The following DROSHA variants were observed in gnomAD, a reference collection of about 807,000 sequenced individuals.
The protein encoded by DROSHA is ribonuclease 3.
A neutral mutation model predicts 181.9 loss-of-function variants in DROSHA; 56 were observed. The observed-to-expected ratio is 0.31, with a 90% CI of 0.25 to 0.38. The LOEUF is 0.38. DROSHA is among the 10% of genes least tolerant of loss of function. The probability of loss-of-function intolerance (pLI) is 1.00; values close to 1 mark genes in which losing one functional copy is unlikely to be tolerated. For missense variants in DROSHA, 1,218 were observed against 1,743.5 expected, an observed-to-expected ratio of 0.70 and a Z score of 5.37; for synonymous variants, 524 against 591.2, an observed-to-expected ratio of 0.89 and a Z score of 1.65.
At chr5:31,450,563 T>C (rs914080215) in intron 21 of DROSHA, among the ~76,000 whole-genome samples, 6 of 152,100 alleles carry the variant, frequency 3.9e-5, no homozygotes, top group African/African-American at 1.4e-4. Context: ...TTATCCTAAG[T>C]TAATTAACTC....
Position 31,421,248 on chromosome 5 carries a change from GAGGAAGTGATTT to G in DROSHA, c.3525+12_3525+23del, listed in dbSNP as rs762331753. ...ACTCTGCTTTACAGCAATCTTATTG[GAGGAAGTGATTT>G]AACCAACTCACAGTTAAGTGTCCTT... On this transcript the variant is annotated intron_variant, in intron 30 of 35. Coordinates refer to ENST00000344624, the MANE Select transcript of DROSHA (RefSeq NM_001382508.1). 3.2e-6 allele frequency: 5 copies of G among 1,558,640 alleles called. No individual in the cohort carries two copies. In the African/African-American group the frequency reaches 6.8e-5, roughly 21 times the overall value.
chr5:31,446,229 A>G (rs547481944), intron 23 of DROSHA, among the ~76,000 whole-genome samples: 246 of 151,534 alleles, frequency 1.6e-3, no homozygotes, highest in African/African-American at 4.3e-3. Flanking sequence ...GGCGGATCAC[A>G]AGGTCAGGAC....
chr5:31,510,063 A>AAAAAG (rs1554045123), intron 9 of DROSHA, among the ~76,000 whole-genome samples: 59,326 of 139,640 alleles, frequency 0.42, 14,676 homozygotes, highest in Non-Finnish European at 0.6. Context: ...AAAAAAAAAA[A>AAAAAG]AACAGACCTA....
Position 31,508,537 on chromosome 5 carries a change from G to A in DROSHA, c.1587+84C>T. 1.9e-6 allele frequency: 3 copies of A among 1,580,202 alleles called. No homozygotes were observed. The South Asian group carries it at 3.4e-5, about 18-fold the overall frequency. The stretch of plus-strand genomic sequence containing the variant: ...ACAGTAAAATTCAGTTTCAATACTA[G>A]GCAACATGTATCTTCTGAGCCCAGA... On this transcript the variant is annotated intron_variant, in intron 10 of 35. Coordinates refer to ENST00000344624, the MANE Select transcript of DROSHA (RefSeq NM_001382508.1).
intron 25 of DROSHA, among the ~76,000 whole-genome samples, chr5:31,431,960 C>A (rs1457631539): frequency 6.6e-6 from 1 of 152,088 alleles, no homozygotes; most frequent in African/African-American, 2.4e-5. Context: ...TTTCCAATTC[C>A]AAGTTCAGAT....
chr5:31,488,346 GAGGTTGC>G (rs1752023844), intron 13 of DROSHA, among the ~76,000 whole-genome samples: 1 of 150,154 alleles, frequency 6.7e-6, no homozygotes, highest in Admixed American at 6.7e-5. Flanking sequence ...CCGGGAGTTG[GAGGTTGC>G]AGTGAACCAA....
Position 31,421,341 on chromosome 5 carries a change from G to A in DROSHA, c.3456C>T (p.Ser1152=). Residue 1152 remains serine, a synonymous_variant, in exon 30 of 36, where the codon TCC becomes TCT. Coordinates refer to ENST00000344624, the MANE Select transcript of DROSHA (RefSeq NM_001382508.1). The part of the protein sequence containing the change: ...HNQRMEFLGD[S]IMQLVATEYL... ...ACTCTGTGGCTACCAGTTGCATTATGGAGTCACCTAGGAATTCCATTCTCT... is the reference window on the plus strand; with the variant it reads ...ACTCTGTGGCTACCAGTTGCATTATAGAGTCACCTAGGAATTCCATTCTCT... 6.2e-7 allele frequency: 1 copy of A among 1,613,570 alleles called. No individual in the cohort carries two copies. Among genetic ancestry groups the A allele is most frequent in the Non-Finnish European group, 8.5e-7 (1 of 1,179,658 alleles).
intron 16 of DROSHA, 54 bp downstream of exon 16, chr5:31,483,500 G>C: frequency 6.4e-7 from 1 of 1,568,222 alleles, no homozygotes; most frequent in Non-Finnish European, 8.7e-7. Flanking sequence ...AAAATGGCAA[G>C]CTTATTTTCA....
In DROSHA at chr5:31,526,152, GTCT is replaced by G. The variant is rs1561298996; in HGVS notation, c.778_780del (p.Arg260del). ...TAATCAGATCTGTACCGGCTGTCTT[GTCT>G]TCTCCTGTCGGGACTGCGGCCTCGC... On this transcript the variant is annotated inframe_deletion, in exon 5 of 36. Transcript: ENST00000344624. The G allele has an allele frequency of 1.2e-6, 2 of 1,613,834 alleles. No individual in the cohort carries two copies. Among genetic ancestry groups the G allele is most frequent in the Non-Finnish European group, 1.7e-6 (2 of 1,179,834 alleles).
At chr5:31,417,974 A>G (rs1183089353) in intron 30 of DROSHA, among the ~76,000 whole-genome samples, 1 of 152,146 alleles carries the variant, frequency 6.6e-6, no homozygotes, top group Non-Finnish European at 1.5e-5. Context: ...TCTGCCTGAG[A>G]GGCTGTCCAT....
chr5:31,505,857 T>C (rs936353739), intron 10 of DROSHA: 3 of 152,094 alleles, frequency 2.0e-5, no homozygotes, highest in Non-Finnish European at 2.9e-5. Flanking sequence ...TTATAACTCA[T>C]TATGTCCAAT....
intron 12 of DROSHA, among the ~76,000 whole-genome samples, 187 bp from the exon 13 acceptor site, chr5:31,493,480 C>T (rs750405462): frequency 2.0e-5 from 3 of 152,094 alleles, no homozygotes; most frequent in South Asian, 2.1e-4. Flanking sequence ...ATAATATTTA[C>T]GTACTTAGAC....
intron 16 of DROSHA, among the ~76,000 whole-genome samples, chr5:31,473,814 T>C (rs935041167): frequency 6.6e-6 from 1 of 152,332 alleles, no homozygotes; most frequent in South Asian, 2.1e-4. Flanking sequence ...GGAACTGTTG[T>C]GCCTAGGAAC....
intron 23 of DROSHA, among the ~76,000 whole-genome samples, chr5:31,445,739 G>T (rs1435747880): frequency 6.6e-6 from 1 of 152,296 alleles, no homozygotes; most frequent in East Asian, 1.9e-4. Flanking sequence ...ACCATTTCAT[G>T]ATAAAAACAC....
At chr5:31,467,040 C>T (rs1749110686) in intron 18 of DROSHA, 1 of 151,928 alleles carries the variant, frequency 6.6e-6, no homozygotes, top group African/African-American at 2.4e-5. Flanking sequence ...GATTTTCTGT[C>T]ACATTAAAAC....
intron 25 of DROSHA, among the ~76,000 whole-genome samples, chr5:31,433,956 G>A (rs945811393): frequency 7.2e-5 from 11 of 152,166 alleles, no homozygotes; most frequent in Non-Finnish European, 1.5e-5. Context: ...ATTCTCAAAG[G>A]GGTCAACAAT....
intron 17 of DROSHA, 53 bp downstream of exon 17, chr5:31,472,009 AG>A (rs1256020613): frequency 2.7e-6 from 4 of 1,470,782 alleles, no homozygotes; most frequent in Non-Finnish European, 3.6e-6. Flanking sequence ...TGAAACATTC[AG>A]ATCTGGAAAA....
At position 31,514,720 on chromosome 5, in the gene DROSHA, A is replaced by G. The variant is rs1044613056; in HGVS notation, c.1290+268T>C. On this transcript the variant is annotated intron_variant, in intron 8 of 35. Transcript: ENST00000344624. The surrounding 1 kb of genome is among the most constrained non-coding windows in gnomAD (Gnocchi z 4.4). ...CTGCACTCTTGGCTTTTAGCTTTTTAAAACGGCTTTTGTCTGTAACAGTGA... is the reference window on the plus strand; with the variant it reads ...CTGCACTCTTGGCTTTTAGCTTTTTGAAACGGCTTTTGTCTGTAACAGTGA... Among the ~76,000 whole-genome samples the G allele has an allele frequency of 1.3e-5, 2 of 152,256 alleles. No individual in the cohort carries two copies. The highest frequency in any genetic ancestry group is 4.8e-5 in the African/African-American group (2 of 41,470).
intron 13 of DROSHA, among the ~76,000 whole-genome samples, chr5:31,489,698 T>A (rs955436225): frequency 3.3e-5 from 5 of 152,026 alleles, no homozygotes; most frequent in African/African-American, 1.2e-4. Flanking sequence ...TAAAAAACTC[T>A]CCAAACCTCC....
Sources: gnomAD v4.1 joint callset for allele counts (sites outside exome capture counted in the v4.1 genomes callset) on GRCh38, gnomAD v4.1.1 for gene constraint, Gnocchi (gnomAD v3.1) non-coding constraint, MANE v1.5 for transcripts, NCBI Gene and HGNC (gene_info 2026-07-23, HGNC 2026-07-21) for gene names.